Variants in CERS6 observed in about 807,000 individuals in gnomAD.
CERS6 encodes the protein LAG1 homolog, ceramide synthase 6.
CERS6 carries 26 observed loss-of-function variants against 56.8 expected under a neutral mutation model. The observed-to-expected ratio is 0.46, with a 90% CI of 0.34 to 0.63. The LOEUF (loss-of-function observed/expected upper bound fraction) is 0.63, where lower values mean the gene tolerates loss of function less well. Among genes scored for constraint, CERS6 ranks in the 30% least tolerant of loss-of-function variants. The pLI is 0.01. For synonymous variants in CERS6, 164 were observed against 173.3 expected, an observed-to-expected ratio of 0.95 and a Z score of 0.42; for missense variants, 415 against 467.5, an observed-to-expected ratio of 0.89 and a Z score of 1.04.
chr2:168,600,227 C>A (rs1387874929), intron 3 of CERS6, among the ~76,000 whole-genome samples: 1 of 128,326 alleles, frequency 7.8e-6, no homozygotes, highest in Non-Finnish European at 1.7e-5. Flanking sequence ...TTTTTTTAAT[C>A]GGAGTCTGGC....
chr2:168,718,006 G>A (rs779403584), intron 8 of CERS6, 28 bp downstream of exon 8: 3 of 1,469,278 alleles, frequency 2.0e-6, no homozygotes, highest in African/African-American at 1.4e-5. Flanking sequence ...CTTCCTGATA[G>A]AGCCACCCTT....
At chr2:168,631,643 T>C (rs1164119303) in intron 4 of CERS6, among the ~76,000 whole-genome samples, 1 of 16,686 alleles carries the variant, frequency 6.0e-5, no homozygotes, top group African/African-American at 1.4e-4. Flanking sequence ...TAGCATATTT[T>C]ATATTTATAT....
At chr2:168,686,994 T>G (rs1686369240) in intron 4 of CERS6, among the ~76,000 whole-genome samples, 1 of 152,172 alleles carries the variant, frequency 6.6e-6, no homozygotes, top group South Asian at 2.1e-4. Context: ...GATACCAGAC[T>G]CCATAGAAAC....
At position 168,715,977 on chromosome 2, in the gene CERS6, C is replaced by T. The variant is rs114387995; in HGVS notation, c.738+848C>T. ...TTGCTTTAAGTGCTTTGTTTTGCCA[C>T]CTTTGAAGCATTTACTATACTGTGA... On this transcript the variant is annotated intron_variant, in intron 7 of 9. Transcript: ENST00000305747. Among the ~76,000 whole-genome samples the T allele has an allele frequency of 5.3e-3, 806 of 152,122 alleles. 9 individuals carry two copies. Among genetic ancestry groups the T allele is most frequent in the Middle Eastern group, 0.027 (8 of 292 alleles).
At chr2:168,508,463 C>T (rs1694719858) in intron 1 of CERS6, among the ~76,000 whole-genome samples, 1 of 152,200 alleles carries the variant, frequency 6.6e-6, no homozygotes, top group South Asian at 2.1e-4. Context: ...GAGCCACTGC[C>T]TCTCCTTTTA....
At position 168,513,338 on chromosome 2, in the gene CERS6, T is replaced by TA. The variant is rs142521541; in HGVS notation, c.171-34257dup. ...CTTTCATACTTTATTCAGAATGTCT[T>TA]AGTTTTTACCAGATGTCTTTTTTTC... On this transcript the variant is annotated intron_variant, in intron 1 of 9. Transcript: ENST00000305747. Among the ~76,000 whole-genome samples, 31 of 152,338 alleles carry TA rather than the reference T, an allele frequency of 2.0e-4. No homozygotes were observed. The East Asian group carries it at 6.0e-3, about 29-fold the overall frequency.
chr2:168,616,356 G>A (rs1028922537), intron 3 of CERS6, among the ~76,000 whole-genome samples: 1 of 152,076 alleles, frequency 6.6e-6, no homozygotes, highest in African/African-American at 2.4e-5. Context: ...GCAATAAATA[G>A]CATAATGAAT....
At chr2:168,503,629 A>T (rs529852560) in intron 1 of CERS6, among the ~76,000 whole-genome samples, 2 of 152,126 alleles carry the variant, frequency 1.3e-5, no homozygotes, top group Non-Finnish European at 2.9e-5. Flanking sequence ...GTTGACTGTA[A>T]TACCCACTTG....
intron 1 of CERS6, among the ~76,000 whole-genome samples, chr2:168,539,450 C>T (rs1695326890): frequency 6.6e-6 from 1 of 152,144 alleles, no homozygotes. Flanking sequence ...AAGAATTAAA[C>T]ATTGCAAAGC....
chr2:168,656,246 A>G (rs570362501), intron 4 of CERS6, among the ~76,000 whole-genome samples: 3 of 152,354 alleles, frequency 2.0e-5, no homozygotes, highest in Admixed American at 6.5e-5. Context: ...GGCCTAAATT[A>G]AACCTTGTCA....
At chr2:168,735,226 A>G (rs1683673922) in intron 8 of CERS6, among the ~76,000 whole-genome samples, 1 of 152,142 alleles carries the variant, frequency 6.6e-6, no homozygotes, top group South Asian at 2.1e-4. Flanking sequence ...GCTCATTTGC[A>G]GCTATCAGTG....
At chr2:168,745,779 C>A (rs866044217) in intron 8 of CERS6, among the ~76,000 whole-genome samples, 1 of 152,158 alleles carries the variant, frequency 6.6e-6, no homozygotes, top group Non-Finnish European at 1.5e-5. Context: ...CCCCCAGAGT[C>A]CTCCCCAGAA....
Position 168,656,399 on chromosome 2 carries a change from C to T in CERS6, c.465+25357C>T, listed in dbSNP as rs556876564. On this transcript the variant is annotated intron_variant, in intron 4 of 9. Coordinates refer to ENST00000305747, the MANE Select transcript of CERS6 (RefSeq NM_203463.3). Reference sequence around the variant, plus strand: ...CTTCAAGAATGAAGCCGTGGACCCTCGCGGTGAGTGTTACAGCTCTTAAGG... The same window carrying T: ...CTTCAAGAATGAAGCCGTGGACCCTTGCGGTGAGTGTTACAGCTCTTAAGG... Among the ~76,000 whole-genome samples the T allele has an allele frequency of 3.8e-3, 575 of 152,248 alleles. 7 individuals carry two copies. The highest frequency in any genetic ancestry group is 0.013 in the African/African-American group (546 of 41,534).
rs570160199 is a variant in CERS6 at position 168,458,046 on chromosome 2, G to A, written c.170+1428G>A. ...GTCACAGCAGTGCTGTGAAAAAATG[G>A]GTGTGTTTGCAGGTGTAGAGTTACC... On this transcript the variant is annotated intron_variant, in intron 1 of 9. Coordinates refer to ENST00000305747, the MANE Select transcript of CERS6 (RefSeq NM_203463.3). Among the ~76,000 whole-genome samples the A allele has an allele frequency of 1.6e-3, 242 of 152,166 alleles. 1 individual carries two copies. The highest frequency in any genetic ancestry group is 5.6e-3 in the African/African-American group (232 of 41,508).
intron 4 of CERS6, among the ~76,000 whole-genome samples, chr2:168,643,065 G>T (rs564068893): frequency 1.9e-4 from 29 of 152,188 alleles, no homozygotes; most frequent in Non-Finnish European, 1.8e-4. Flanking sequence ...TAACTATACC[G>T]CAGTGTTCTG....
At chr2:168,590,920 A>G (rs1174817868) in intron 3 of CERS6, among the ~76,000 whole-genome samples, 1 of 152,238 alleles carries the variant, frequency 6.6e-6, no homozygotes, top group Non-Finnish European at 1.5e-5. Flanking sequence ...CATGTTCTCT[A>G]CTTATAGAGA....
intron 3 of CERS6, among the ~76,000 whole-genome samples, chr2:168,622,351 G>A (rs61098410): frequency 0.3 from 45,402 of 152,134 alleles, 7,693 homozygotes; most frequent in African/African-American, 0.46. Context: ...GCCTGCATGT[G>A]GCCTGCAGGC....
chr2:168,613,391 C>T lies in CERS6; in HGVS notation c.408-17594C>T, dbSNP rs1485736684. 2.0e-5 allele frequency among the ~76,000 whole-genome samples: 3 copies of T among 152,126 alleles called. 1 individual carries two copies. Among genetic ancestry groups the T allele is most frequent in the Admixed American group, 1.3e-4 (2 of 15,270 alleles). ...GCTGAGGATGGAACCCCAGGTGTCA[C>T]TGGCATTGACAGACCAAGGGTGGTC... On this transcript the variant is annotated intron_variant, in intron 3 of 9. Transcript: ENST00000305747.
intron 8 of CERS6, among the ~76,000 whole-genome samples, chr2:168,724,795 C>T (rs1030875202): frequency 6.6e-6 from 1 of 152,238 alleles, no homozygotes; most frequent in Non-Finnish European, 1.5e-5. Context: ...CATAAAGGTT[C>T]TCCAAGGCCC....
Sources: allele counts gnomAD v4.1 joint callset (sites outside exome capture counted in the v4.1 genomes callset), GRCh38; gene constraint gnomAD v4.1.1; transcripts MANE v1.5; gene names NCBI Gene and HGNC (gene_info 2026-07-23, HGNC 2026-07-21).